MICAL3: variants seen among roughly 807,000 people sequenced by gnomAD.
MICAL3 encodes microtubule associated monooxygenase, calponin and LIM domain containing 3.
MICAL3 carries 62 observed loss-of-function variants against 207.4 expected under a neutral mutation model. The observed-to-expected ratio is 0.30, with a 90% CI of 0.24 to 0.37. The LOEUF (loss-of-function observed/expected upper bound fraction) is 0.37. Among genes scored for constraint, MICAL3 ranks in the 10% least tolerant of loss-of-function variants. The pLI is 1.00. For synonymous variants in MICAL3, 1,077 were observed against 1,069.3 expected (o/e 1.01, Z -0.14); for missense variants, 2,368 against 2,635.6 (o/e 0.90, Z 2.22).
At chr22:18,005,673 A>G (rs549107959) in intron 1 of MICAL3, 3 of 152,298 alleles carry the variant, frequency 2.0e-5, no homozygotes, top group African/African-American at 4.8e-5. Flanking sequence ...TCTTGGACAC[A>G]TCTGGCAGAT....
At chr22:17,907,245 C>T (rs1018355988) in intron 1 of MICAL3, among the ~76,000 whole-genome samples, 10 of 152,068 alleles carry the variant, frequency 6.6e-5, no homozygotes, top group African/African-American at 2.4e-4. Context: ...TGAAGGCGAG[C>T]CTCTGAGAGG....
chr22:17,911,466 C>G (rs1932138978), intron 1 of MICAL3, among the ~76,000 whole-genome samples: 1 of 152,220 alleles, frequency 6.6e-6, no homozygotes, highest in Non-Finnish European at 1.5e-5. Context: ...CTGAATCTTA[C>G]ACAGCAATCT....
chr22:17,876,909 AGGGAG>A (rs1928554583), intron 16 of MICAL3: 4 of 141,690 alleles, frequency 2.8e-5, no homozygotes, highest in Admixed American at 6.8e-5. Context: ...TAGGGAGGTT[AGGGAG>A]GTTATGGAGG....
intron 19 of MICAL3, among the ~76,000 whole-genome samples, chr22:17,855,031 G>T (rs1021405932): frequency 1.3e-5 from 2 of 152,156 alleles, no homozygotes; most frequent in African/African-American, 4.8e-5. Flanking sequence ...AGCTCTGAGT[G>T]CCCCTGCCAC....
intron 1 of MICAL3, among the ~76,000 whole-genome samples, chr22:17,952,927 A>C (rs1934419343): frequency 2.0e-5 from 3 of 152,198 alleles, no homozygotes; most frequent in Admixed American, 1.3e-4. Context: ...AACATATGTA[A>C]AATGCCTTTT....
chr22:17,957,045 C>G (rs1417028329), intron 1 of MICAL3, among the ~76,000 whole-genome samples: 3 of 152,178 alleles, frequency 2.0e-5, no homozygotes, highest in Non-Finnish European at 4.4e-5. Context: ...AACATTTTGC[C>G]TTTCTTTACA....
chr22:17,994,803 A>G (rs1922098758), intron 1 of MICAL3, among the ~76,000 whole-genome samples: 1 of 152,100 alleles, frequency 6.6e-6, no homozygotes, highest in African/African-American at 2.4e-5. Flanking sequence ...TCGCCTTTAC[A>G]CAGGAAAAGT....
At chr22:17,930,025 A>G (rs1045532740) in intron 1 of MICAL3, among the ~76,000 whole-genome samples, 2 of 152,256 alleles carry the variant, frequency 1.3e-5, no homozygotes, top group African/African-American at 2.4e-5. Context: ...TTGATCAGGC[A>G]TATCACAAAA....
At chr22:18,001,686 G>A (rs372585057) in intron 1 of MICAL3, among the ~76,000 whole-genome samples, 6 of 152,384 alleles carry the variant, frequency 3.9e-5, no homozygotes, top group African/African-American at 1.4e-4. Context: ...CACGGGATAT[G>A]TGCAAAAGGC....
At position 17,982,812 on chromosome 22, in the gene MICAL3, A is replaced by G. The variant is rs368824353; in HGVS notation, c.-75+41469T>C. 3.3e-4 allele frequency among the ~76,000 whole-genome samples: 50 copies of G among 152,292 alleles called. 2 individuals carry two copies. In the East Asian group the frequency reaches 6.7e-3, roughly 21 times the overall value. ...AAATAAAATAAAAAAGTTTTAATACATTCTCCCTGAGGTACTTCTTCCACA... is the reference window on the plus strand; with the variant it reads ...AAATAAAATAAAAAAGTTTTAATACGTTCTCCCTGAGGTACTTCTTCCACA... On this transcript the variant is annotated intron_variant, in intron 1 of 31. Transcript: ENST00000441493.
In MICAL3 at chr22:17,863,194, C is replaced by A. The variant is rs540762408; in HGVS notation, c.2605+1705G>T. ...CAGATGGGAAAGTCAGCAAACCTGG[C>A]GTCATTCAGGAATAACCTAAACTTC... On this transcript the variant is annotated intron_variant, in intron 19 of 31. Coordinates refer to ENST00000441493, the MANE Select transcript of MICAL3 (RefSeq NM_015241.3). 41 of 985,392 alleles carry A rather than the reference C, an allele frequency of 4.2e-5. No homozygotes were observed. The South Asian group carries it at 1.6e-3, about 38-fold the overall frequency. 61.0% of individuals were successfully genotyped at this position (985,392 alleles called of 1,614,324 possible). A position where few individuals can be genotyped will look rare whatever the true frequency, so the allele number is the denominator to read the frequency against.
At chr22:17,881,388 T>C in intron 16 of MICAL3, 1 of 1,138,006 alleles carries the variant, frequency 8.8e-7, no homozygotes, top group Non-Finnish European at 1.3e-6. Flanking sequence ...CTGAAGGGTG[T>C]TTGTCAGAAG....
At chr22:17,879,302 G>A (rs1158018420) in intron 16 of MICAL3, 2 of 1,560,316 alleles carry the variant, frequency 1.3e-6, no homozygotes, top group African/African-American at 1.4e-5. Flanking sequence ...TGCCCCGTGT[G>A]CTTGGCTCTC....
chr22:17,809,334 G>A (rs765197705), intron 28 of MICAL3, among the ~76,000 whole-genome samples: 1 of 152,156 alleles, frequency 6.6e-6, no homozygotes, highest in Non-Finnish European at 1.5e-5. Context: ...CCATCTTTAC[G>A]ATAAAAATTT....
At chr22:18,016,508 C>T (rs1924062210) in intron 1 of MICAL3, among the ~76,000 whole-genome samples, 2 of 148,332 alleles carry the variant, frequency 1.3e-5, no homozygotes, top group Non-Finnish European at 3.1e-5. Flanking sequence ...CCTTTGTAGT[C>T]ACATTCTCCC....
intron 1 of MICAL3, among the ~76,000 whole-genome samples, chr22:17,953,528 G>T (rs1044296603): frequency 6.6e-6 from 1 of 152,154 alleles, no homozygotes; most frequent in East Asian, 1.9e-4. Flanking sequence ...CTGTCCTGCT[G>T]TCTGGACATG....
chr22:17,887,680 A>G lies in MICAL3; in HGVS notation c.1892-245T>C, dbSNP rs573415088. 2.7e-4 allele frequency among the ~76,000 whole-genome samples: 41 copies of G among 152,290 alleles called. No individual in the cohort carries two copies. In the South Asian group the frequency reaches 8.3e-3, roughly 31 times the overall value. ...AAATGACTCTTCTTCCCAATCTACT[A>G]CAGTTACCAAAACCCGCACTTTTGC... On this transcript the variant is annotated intron_variant, in intron 13 of 31. Coordinates refer to ENST00000441493, the MANE Select transcript of MICAL3 (RefSeq NM_015241.3).
chr22:17,865,030 C>A, intron 18 of MICAL3, 44 bp from the exon 19 acceptor site: 1 of 1,558,070 alleles, frequency 6.4e-7, no homozygotes, highest in Non-Finnish European at 8.7e-7. Flanking sequence ...CTGACTGATG[C>A]ACTCAAATCC....
chr22:17,985,504 CCT>C (rs1920969442), intron 1 of MICAL3, among the ~76,000 whole-genome samples: 1 of 152,154 alleles, frequency 6.6e-6, no homozygotes, highest in African/African-American at 2.4e-5. Flanking sequence ...GCTTCTGACA[CCT>C]CTGTCACTGG....
Sources: allele counts gnomAD v4.1 joint callset (sites outside exome capture counted in the v4.1 genomes callset), GRCh38; gene constraint gnomAD v4.1.1; transcripts MANE v1.5; gene names NCBI Gene and HGNC (gene_info 2026-07-23, HGNC 2026-07-21).